GARNL3: variants seen among roughly 807,000 people sequenced by gnomAD.
The protein encoded by GARNL3 is GTPase activating Rap/RanGAP domain like 3, also known as GTPase-activating Rap/Ran-GAP domain-like protein 3.
GARNL3 carries 63 observed loss-of-function variants against 125.0 expected under a neutral mutation model. The ratio of observed to expected loss-of-function variants is 0.50; its 90% CI spans 0.41 to 0.62. The LOEUF (loss-of-function observed/expected upper bound fraction) is 0.62, where lower values mean the gene tolerates loss of function less well. Ranked by LOEUF, GARNL3 falls within the 20% of genes least tolerant of loss-of-function variation. GARNL3 has a pLI of 0.00. For synonymous variants in GARNL3, 439 were observed against 457.5 expected, an observed-to-expected ratio of 0.96 and a Z score of 0.52; for missense variants, 994 against 1,244.0, an observed-to-expected ratio of 0.80 and a Z score of 3.02.
At chr9:127,295,039 G>A (rs981437092) in intron 2 of GARNL3, among the ~76,000 whole-genome samples, 2 of 152,230 alleles carry the variant, frequency 1.3e-5, no homozygotes. Context: ...GTGCTTCTCA[G>A]ACTGTCCATC....
intron 6 of GARNL3, 120 bp from the exon 7 acceptor site, chr9:127,324,949 A>G (rs2131533728): frequency 9.5e-7 from 1 of 1,048,136 alleles, no homozygotes; most frequent in South Asian, 1.4e-5. Context: ...CCTATAACCA[A>G]CTTTTAAAAT....
chr9:127,339,865 C>T (rs1015447968), intron 13 of GARNL3, 114 bp downstream of exon 13: 37 of 755,110 alleles, frequency 4.9e-5, no homozygotes, highest in African/African-American at 8.6e-5. Context: ...TTCCATGTTC[C>T]GTTAATTCTT....
chr9:127,348,878 A>G, intron 16 of GARNL3, 46 bp from the exon 17 acceptor site: 1 of 1,333,046 alleles, frequency 7.5e-7, no homozygotes, highest in Non-Finnish European at 1.1e-6. Flanking sequence ...GCTGCAGTGT[A>G]TTTTTTCTGG....
Position 127,357,396 on chromosome 9 carries a change from G to A in GARNL3, c.2094+19G>A, listed in dbSNP as rs772066087. On this transcript the variant is annotated intron_variant, in intron 21 of 27. Transcript: ENST00000373387. Reference sequence around the variant, plus strand: ...CAACAGGGTAAGCCAGCGGTTGTGGGGACAAGTGAGAATCAGAAAAGAGTA... The same window carrying A: ...CAACAGGGTAAGCCAGCGGTTGTGGAGACAAGTGAGAATCAGAAAAGAGTA... The A allele has an allele frequency of 3.1e-6, 5 of 1,611,050 alleles. No homozygotes were observed. Among genetic ancestry groups the A allele is most frequent in the Middle Eastern group, 1.9e-4 (1 of 5,268 alleles).
chr9:127,274,139 C>A (rs1311963989), intron 1 of GARNL3, among the ~76,000 whole-genome samples: 1 of 152,168 alleles, frequency 6.6e-6, no homozygotes, highest in East Asian at 1.9e-4. Context: ...CTTCTGTCCT[C>A]CATTGACAGG....
chr9:127,389,874 TTACACCACTGCACTCCAGCC>T (rs1315808423), intron 26 of GARNL3, among the ~76,000 whole-genome samples: 4 of 143,022 alleles, frequency 2.8e-5, no homozygotes, highest in East Asian at 4.1e-4. Flanking sequence ...GGACCCATGA[TTACACCACTGCACTCCAGCC>T]TGGGTGACAG....
rs752607274 is a variant in GARNL3 at position 127,390,648 on chromosome 9, G to A, written c.2751G>A (p.Ser917=). 39 of 1,613,716 alleles carry A rather than the reference G, an allele frequency of 2.4e-5. No homozygotes were observed. The highest frequency in any genetic ancestry group is 8.8e-5 in the South Asian group (8 of 91,074). Residue 917 remains serine (S), a synonymous_variant, in exon 27 of 28, where the codon TCG becomes TCA. Transcript: ENST00000373387. ...SRTRRELLGL[S]DEGGPKSEGA... Reference sequence around the variant, plus strand: ...CTATGATTCTCAATCCAGGCCTCTCGGATGAAGGTGGACCCAAGTCAGAAG... The same window carrying A: ...CTATGATTCTCAATCCAGGCCTCTCAGATGAAGGTGGACCCAAGTCAGAAG...
chr9:127,230,372 A>G (rs2062979207), intron 1 of GARNL3, among the ~76,000 whole-genome samples: 1 of 152,144 alleles, frequency 6.6e-6, no homozygotes, highest in Non-Finnish European at 1.5e-5. Context: ...AAAATGACAA[A>G]CATTCAGCCG....
chr9:127,231,025 TGTATATATAC>T (rs1215358257), intron 1 of GARNL3, among the ~76,000 whole-genome samples: 13 of 83,098 alleles, frequency 1.6e-4, no homozygotes, highest in Admixed American at 5.0e-4. Flanking sequence ...TATACATATA[TGTATATATAC>T]ATATATATAT....
intron 2 of GARNL3, among the ~76,000 whole-genome samples, chr9:127,257,125 A>G (rs1448160619): frequency 1.3e-5 from 2 of 152,214 alleles, no homozygotes; most frequent in Non-Finnish European, 2.9e-5. Flanking sequence ...TTAATTGCTC[A>G]ATAGTATTCT....
At chr9:127,380,720 G>A (rs1048152964) in intron 22 of GARNL3, among the ~76,000 whole-genome samples, 10 of 152,152 alleles carry the variant, frequency 6.6e-5, no homozygotes, top group African/African-American at 2.2e-4. Flanking sequence ...TGAAATGTCC[G>A]GAAAAGGCAA....
chr9:127,263,426 T>C (rs2063633957), upstream of GARNL3, among the ~76,000 whole-genome samples: 1 of 152,176 alleles, frequency 6.6e-6, no homozygotes, highest in South Asian at 2.1e-4. Context: ...CAACAGCCAT[T>C]GGGCATCCGC....
chr9:127,365,040 G>A (rs1199635941), intron 21 of GARNL3: 1 of 453,838 alleles, frequency 2.2e-6, no homozygotes. Context: ...CAACGGCTAT[G>A]AAAAGATGAT....
chr9:127,365,656 C>T (rs1225614381), intron 22 of GARNL3, among the ~76,000 whole-genome samples: 1 of 152,116 alleles, frequency 6.6e-6, no homozygotes, highest in Non-Finnish European at 1.5e-5. Flanking sequence ...AGGTGCCGTG[C>T]TCGGTATGCT....
chr9:127,310,715 A>G (rs2065069461), intron 2 of GARNL3, among the ~76,000 whole-genome samples: 1 of 151,234 alleles, frequency 6.6e-6, no homozygotes, highest in Non-Finnish European at 1.5e-5. Flanking sequence ...TGGAGGTTGC[A>G]GTGAGCCAAG....
chr9:127,356,666 A>G (rs1830705882), intron 20 of GARNL3, among the ~76,000 whole-genome samples: 1 of 152,228 alleles, frequency 6.6e-6, no homozygotes, highest in Non-Finnish European at 1.5e-5. Flanking sequence ...TGCTATTTTA[A>G]TGAAGATTTA....
rs529516097 is a variant in GARNL3 at position 127,344,156 on chromosome 9, A to G, written c.1252-79A>G. 1.3e-4 allele frequency: 118 copies of G among 908,580 alleles called. No homozygotes were observed. In the African/African-American group the frequency reaches 1.6e-3, roughly 12 times the overall value. 56.3% of individuals were successfully genotyped at this position (908,580 alleles called of 1,614,324 possible). On this transcript the variant is annotated intron_variant, in intron 14 of 27. Coordinates refer to ENST00000373387, the MANE Select transcript of GARNL3 (RefSeq NM_032293.5). The stretch of plus-strand genomic sequence containing the variant: ...TAGAAATAGGACCATTTGGATAAAT[A>G]GTTTTGTGCACTATGAGAAGCCAAA...
chr9:127,230,283 TTTAA>T (rs925939907), intron 1 of GARNL3, among the ~76,000 whole-genome samples: 6 of 152,348 alleles, frequency 3.9e-5, no homozygotes, highest in Admixed American at 3.9e-4. Context: ...TGCTGTCAGC[TTTAA>T]ATGAACTAAT....
chr9:127,373,394 A>C (rs1298151301), intron 22 of GARNL3, among the ~76,000 whole-genome samples: 1 of 152,230 alleles, frequency 6.6e-6, no homozygotes, highest in African/African-American at 2.4e-5. Flanking sequence ...CTATAACTTT[A>C]AGTGGCTGAG....
Sources: gnomAD v4.1 joint callset for allele counts (sites outside exome capture counted in the v4.1 genomes callset) on GRCh38, gnomAD v4.1.1 for gene constraint, MANE v1.5 for transcripts, NCBI Gene and HGNC (gene_info 2026-07-23, HGNC 2026-07-21) for gene names.